The following NLRP14 variants were observed in gnomAD, a reference collection of about 807,000 sequenced individuals.
NLRP14 encodes the protein NACHT, LRR and PYD domains-containing protein 14.
NLRP14 carries 105 observed loss-of-function variants against 94.7 expected under a neutral mutation model. That is an observed-to-expected ratio of 1.11 (90% CI 0.95 to 1.30). The LOEUF (loss-of-function observed/expected upper bound fraction) is 1.30, where lower values mean the gene tolerates loss of function less well. Among genes scored for constraint, NLRP14 ranks in the 50% most tolerant of loss-of-function variants. The pLI, the probability that NLRP14 is intolerant of heterozygous loss-of-function variation, is 0.00. For missense variants in NLRP14, 1,362 were observed against 1,254.1 expected, an observed-to-expected ratio of 1.09 and a Z score of -1.30; for synonymous variants, 508 against 459.9, an observed-to-expected ratio of 1.10 and a Z score of -1.34.
Position 7,039,613 on chromosome 11 carries a change from A to T in NLRP14, c.290-101A>T, listed in dbSNP as rs1020435262. The T allele has an allele frequency of 2.0e-5, 19 of 936,430 alleles. No homozygotes were observed. In the African/African-American group the frequency reaches 2.3e-4, roughly 11 times the overall value. 58.0% of individuals were successfully genotyped at this position (936,430 alleles called of 1,614,324 possible). On this transcript the variant is annotated intron_variant, in intron 2 of 11. Transcript: ENST00000299481. ...AGTTTTCTTAAACCCAGATAGTCAT[A>T]GAATTGGACCACTTATGTGAATGCT...
At position 7,043,914 on chromosome 11, in the gene NLRP14, A is replaced by G; in HGVS notation, c.1888A>G (p.Thr630Ala). 2 of 1,614,154 alleles carry G rather than the reference A, an allele frequency of 1.2e-6. No homozygotes were observed. Among genetic ancestry groups the G allele is most frequent in the Admixed American group, 1.7e-5 (1 of 60,014 alleles). Residue 630 changes from threonine to alanine, a missense_variant, in exon 4 of 12, where the codon ACC (threonine) becomes GCC (alanine). Physicochemically the swap from Thr to Ala is moderately conservative, Grantham distance 58 (BLOSUM62 0). Coordinates refer to ENST00000299481, the MANE Select transcript of NLRP14 (RefSeq NM_176822.4). ...FCLKHCRCLR[T>A]IRLSVTVVFE... Reference sequence around the variant, plus strand: ...CCTTAAGCACTGCCGGTGTTTGCGGACCATCAGGCTGTCTGTAACTGTGGT... The same window carrying G: ...CCTTAAGCACTGCCGGTGTTTGCGGGCCATCAGGCTGTCTGTAACTGTGGT...
intron 6 of NLRP14, among the ~76,000 whole-genome samples, chr11:7,055,805 C>A (rs1258848168): frequency 6.6e-6 from 1 of 152,044 alleles, no homozygotes; most frequent in Non-Finnish European, 1.5e-5. Flanking sequence ...CTACAGATAG[C>A]AAGCAGTAAG....
chr11:7,076,876 A>G, the NLRP14 span, among the ~76,000 whole-genome samples: 1 of 152,224 alleles, frequency 6.6e-6, no homozygotes. Context: ...ATGAATGAAT[A>G]AAAATTGATG....
At chr11:7,090,009 G>A in the NLRP14 span, 1 of 1,613,126 alleles carries the variant, frequency 6.2e-7, no homozygotes, top group Admixed American at 1.7e-5. Context: ...CCCAGGACGG[G>A]GGACACCGCC....
At chr11:7,090,389 C>A in the NLRP14 span, 1 of 1,414,738 alleles carries the variant, frequency 7.1e-7, no homozygotes, top group Non-Finnish European at 9.8e-7. Context: ...AGGACTAGTA[C>A]AAGGAAGAGT....
chr11:7,070,413 T>C lies in NLRP14; in HGVS notation c.3103T>C (p.Tyr1035His), dbSNP rs776275394. 1.9e-5 allele frequency: 30 copies of C among 1,611,692 alleles called. No individual in the cohort carries two copies. The highest frequency in any genetic ancestry group is 4.4e-5 in the South Asian group (4 of 91,028). Residue 1035 changes from tyrosine (Y) to histidine (H), a missense_variant, in exon 11 of 12, where the codon TAT (tyrosine) becomes CAT (histidine). Tyr to His is a moderately conservative substitution (Grantham distance 83). Coordinates refer to ENST00000299481, the MANE Select transcript of NLRP14 (RefSeq NM_176822.4). ...AGGATATGAAGGAATTGTGAAGTTATATAAAGTCTTGAAGTCTCCTAAGTG... is the reference window on the plus strand; with the variant it reads ...AGGATATGAAGGAATTGTGAAGTTACATAAAGTCTTGAAGTCTCCTAAGTG... ...TLGYEGIVKL[Y>H]KVLKSPKCKL...
At chr11:7,045,165 G>A (rs906014020) in intron 4 of NLRP14, among the ~76,000 whole-genome samples, 1 of 152,136 alleles carries the variant, frequency 6.6e-6, no homozygotes, top group African/African-American at 2.4e-5. Flanking sequence ...CAAACTGTGG[G>A]AGTAGAAATT....
chr11:7,029,594 A>T (rs1852063123), intron 1 of NLRP14, among the ~76,000 whole-genome samples: 1 of 152,232 alleles, frequency 6.6e-6, no homozygotes, highest in African/African-American at 2.4e-5. Flanking sequence ...TAACAGTATG[A>T]ATATTTATAC....
intron 8 of NLRP14, among the ~76,000 whole-genome samples, chr11:7,059,381 A>C (rs1852575440): frequency 6.6e-6 from 1 of 151,786 alleles, no homozygotes; most frequent in Non-Finnish European, 1.5e-5. Flanking sequence ...ATGTCATCTC[A>C]TACTCTTCAT....
intron 8 of NLRP14, among the ~76,000 whole-genome samples, chr11:7,058,673 A>C (rs548216923): frequency 4.3e-4 from 66 of 152,026 alleles, no homozygotes; most frequent in African/African-American, 1.6e-3. Flanking sequence ...GATGGTGTCA[A>C]ATTGACCACC....
chr11:7,038,982 G>A lies in NLRP14; in HGVS notation c.289+107G>A. The stretch of plus-strand genomic sequence containing the variant: ...GATTTAGGGATTAAACCATGTTGGG[G>A]GACATAAGCTCCATGGTGGTCTTGT... On this transcript the variant is annotated intron_variant, in intron 2 of 11. Transcript: ENST00000299481. The A allele has an allele frequency of 3.8e-6, 4 of 1,049,066 alleles. 1 individual carries two copies. The highest frequency in any genetic ancestry group is 5.4e-5 in the Admixed American group (2 of 36,854). 65.0% of individuals were successfully genotyped at this position (1,049,066 alleles called of 1,614,324 possible).
At chr11:7,030,141 C>G (rs1394323129) in intron 1 of NLRP14, among the ~76,000 whole-genome samples, 2 of 152,220 alleles carry the variant, frequency 1.3e-5, no homozygotes, top group Non-Finnish European at 2.9e-5. Context: ...CATCCATTTA[C>G]CCATGTGATC....
chr11:7,039,688 C>T (rs758643592), intron 2 of NLRP14, 26 bp from the exon 3 acceptor site: 6 of 1,579,242 alleles, frequency 3.8e-6, no homozygotes, highest in South Asian at 1.1e-5. Context: ...CATTAAATAT[C>T]ATGATCCTAT....
At chr11:7,079,166 T>A in the NLRP14 span, among the ~76,000 whole-genome samples, 1 of 152,230 alleles carries the variant, frequency 6.6e-6, no homozygotes. Context: ...GATTCCTTTT[T>A]CTCTTTCTCT....
chr11:7,061,208 T>C (rs901176719), intron 9 of NLRP14, among the ~76,000 whole-genome samples: 1 of 152,088 alleles, frequency 6.6e-6, no homozygotes, highest in African/African-American at 2.4e-5. Context: ...GCAATTACAC[T>C]GTAGGGTTCA....
chr11:7,090,038 C>T, the NLRP14 span: 2 of 1,613,046 alleles, frequency 1.2e-6, no homozygotes, highest in East Asian at 2.2e-5. Context: ...GAGGAGGAGG[C>T]CGCTACGAGG....
At chr11:7,069,202 TC>T (rs1852753428) in intron 10 of NLRP14, among the ~76,000 whole-genome samples, 2 of 152,220 alleles carry the variant, frequency 1.3e-5, no homozygotes, top group African/African-American at 4.8e-5. Flanking sequence ...CGATGCTTTT[TC>T]CCCTAAGGAA....
intron 4 of NLRP14, among the ~76,000 whole-genome samples, chr11:7,044,486 TG>T (rs1852322223): frequency 6.6e-6 from 1 of 152,234 alleles, no homozygotes; most frequent in Non-Finnish European, 1.5e-5. Flanking sequence ...AGACATTGGT[TG>T]GCCTTTGTTT....
At chr11:7,029,615 C>T (rs943453810) in intron 1 of NLRP14, among the ~76,000 whole-genome samples, 5 of 152,162 alleles carry the variant, frequency 3.3e-5, no homozygotes, top group African/African-American at 1.2e-4. Context: ...GGATATCTTT[C>T]ATGGGACAGC....
Sources: gnomAD v4.1 joint callset for allele counts (sites outside exome capture counted in the v4.1 genomes callset) on GRCh38, gnomAD v4.1.1 for gene constraint, MANE v1.5 for transcripts, NCBI Gene and HGNC (gene_info 2026-07-23, HGNC 2026-07-21) for gene names.